Variants in MATR3 observed in about 807,000 individuals in gnomAD.
MATR3 encodes the protein matrin-3.
Under a neutral mutation model 85.5 loss-of-function variants are expected in MATR3, and 4 were observed. The ratio of observed to expected loss-of-function variants is 0.05; its 90% confidence interval spans 0.02 to 0.11. The LOEUF (loss-of-function observed/expected upper bound fraction) is 0.11, where lower values mean the gene tolerates loss of function less well. Among genes scored for constraint, MATR3 ranks in the 10% least tolerant of loss-of-function variants. The pLI, the probability that MATR3 is intolerant of heterozygous loss-of-function variation, is 1.00. For synonymous variants in MATR3, 336 were observed against 343.1 expected (o/e 0.98, Z 0.23); for missense variants, 685 against 1,016.1 (o/e 0.67, Z 4.43).
At chr5:139,285,530 T>C (rs976461422) in intron 3 of MATR3, among the ~76,000 whole-genome samples, 1 of 152,166 alleles carries the variant, frequency 6.6e-6, no homozygotes, top group African/African-American at 2.4e-5. Context: ...AGAATCTCGC[T>C]CTACTGGTGG....
chr5:139,312,190 G>A (rs1220682533), intron 2 of MATR3: 1 of 152,114 alleles, frequency 6.6e-6, no homozygotes, highest in Non-Finnish European at 1.5e-5. Context: ...ACGCTGAAGT[G>A]CGCTTAGGTG....
rs1423331156 is a variant in MATR3 at position 139,316,198 on chromosome 5, T to G, written c.1129+10T>G. On this transcript the variant is annotated intron_variant, in intron 5 of 14. Transcript: ENST00000394805. ...CCAAGAGGAAATCTGGGTAATTATA[T>G]AAAATTCATGTTACTTTTCCCTACA... is the stretch of plus-strand genomic sequence containing the variant. The G allele has an allele frequency of 6.5e-7, 1 of 1,542,756 alleles. No homozygotes were observed. Among genetic ancestry groups the G allele is most frequent in the Non-Finnish European group, 8.9e-7 (1 of 1,118,072 alleles).
intron 14 of MATR3, among the ~76,000 whole-genome samples, chr5:139,327,950 G>A (rs1257755244): frequency 6.6e-6 from 1 of 151,386 alleles, no homozygotes; most frequent in Non-Finnish European, 1.5e-5. Flanking sequence ...CAACCTCTGC[G>A]TCCCGGGTTC....
At chr5:139,317,216 T>A in intron 6 of MATR3, 111 bp downstream of exon 6, 1 of 1,074,582 alleles carries the variant, frequency 9.3e-7, no homozygotes, top group Non-Finnish European at 1.4e-6. Flanking sequence ...AACATTGCTG[T>A]AATTTGAAAA....
At chr5:139,295,204 C>G (rs1229377991) in intron 1 of MATR3, among the ~76,000 whole-genome samples, 1 of 152,194 alleles carries the variant, frequency 6.6e-6, no homozygotes, top group East Asian at 1.9e-4. Flanking sequence ...CAGTCATCTA[C>G]GCAGTCTATC....
At chr5:139,290,450 T>TTTTTTTTTTTG, upstream of MATR3, among the ~76,000 whole-genome samples, 1 of 115,338 alleles carries the variant, frequency 8.7e-6, no homozygotes, top group Admixed American at 9.0e-5. Context: ...TTTTTTTTTT[T>TTTTTTTTTTTG]TTTTTTTTTT....
chr5:139,281,297 C>T (rs1467513029), intron 3 of MATR3, among the ~76,000 whole-genome samples: 2 of 151,870 alleles, frequency 1.3e-5, no homozygotes, highest in African/African-American at 4.8e-5. Context: ...GACTCAGCCT[C>T]CTGAGTAGCT....
chr5:139,307,808 C>A lies in MATR3; in HGVS notation c.393C>A (p.Asp131Glu), dbSNP rs761842979. Residue 131 changes from aspartate to glutamate, a missense_variant, in exon 2 of 15, where the codon GAC becomes GAA. Physicochemically the swap from Asp to Glu is conservative, Grantham distance 45. Transcript: ENST00000394805. This position sits in a 1 kb window ranked among gnomAD's most constrained non-coding sequence, Gnocchi z 4.4. ...ATGAACTGAGTCGTTATCCAGAGGA[C>A]AAGATTACTCCTGAGAATTTGCCCC... is the stretch of plus-strand genomic sequence containing the variant. ...DLDELSRYPE[D>E]KITPENLPQI... 13 of 1,613,992 alleles carry A rather than the reference C, an allele frequency of 8.1e-6. No individual in the cohort carries two copies. The highest frequency in any genetic ancestry group is 1.3e-5 in the African/African-American group (1 of 74,894).
chr5:139,327,490 T>G (rs968828246), intron 14 of MATR3, among the ~76,000 whole-genome samples: 2 of 152,158 alleles, frequency 1.3e-5, no homozygotes, highest in Non-Finnish European at 2.9e-5. Context: ...GGCGCGATTT[T>G]GGCTCACCCC....
At chr5:139,279,899 T>C (rs1374068057) in intron 3 of MATR3, 1 of 152,226 alleles carries the variant, frequency 6.6e-6, no homozygotes, top group East Asian at 1.9e-4. Flanking sequence ...TGTGGCTGTG[T>C]AAGTTGATAA....
At chr5:139,321,700 T>C in intron 9 of MATR3, 198 bp from the exon 10 acceptor site, 1 of 589,440 alleles carries the variant, frequency 1.7e-6, no homozygotes, top group Non-Finnish European at 3.0e-6. Flanking sequence ...GGAGGATCAG[T>C]TGGGCCCAGT....
chr5:139,288,672 ACT>A (rs1256674809), intron 3 of MATR3, among the ~76,000 whole-genome samples: 2 of 151,618 alleles, frequency 1.3e-5, no homozygotes, highest in East Asian at 1.9e-4. Context: ...ACGGAGTCTC[ACT>A]CTGTCGCCCA....
At position 139,322,605 on chromosome 5, in the gene MATR3, T is replaced by A. The variant is rs1356869612; in HGVS notation, c.1786T>A (p.Ser596Thr). The change falls in exon 12 of 15, where the codon TCT becomes ACT. Residue 596 changes from serine to threonine, a missense_variant. Physicochemically the swap from Ser to Thr is moderately conservative, Grantham distance 58 (BLOSUM62 1). Coordinates refer to ENST00000394805, the MANE Select transcript of MATR3 (RefSeq NM_018834.6). ...LLKKDKSRKR[S>T]YSPDGKESPS... ...GTGTCCTTTTGATTTCAGAAAAAGA[T>A]CTTACTCTCCAGATGGCAAAGAATC... 12 of 1,614,046 alleles carry A rather than the reference T, an allele frequency of 7.4e-6. No individual in the cohort carries two copies. Among genetic ancestry groups the A allele is most frequent in the Non-Finnish European group, 1.0e-5 (12 of 1,179,972 alleles).
intron 1 of MATR3, among the ~76,000 whole-genome samples, chr5:139,296,311 A>G (rs978401083): frequency 6.6e-5 from 10 of 152,220 alleles, no homozygotes; most frequent in African/African-American, 2.4e-4. Flanking sequence ...TGGTAACGGT[A>G]TACAGTTTTA....
At chr5:139,320,320 T>G (rs977914219) in intron 9 of MATR3, among the ~76,000 whole-genome samples, 8 of 151,688 alleles carry the variant, frequency 5.3e-5, no homozygotes, top group Non-Finnish European at 7.4e-5. Context: ...AAAAAAAAAT[T>G]TAGAGTTAGG....
In MATR3 at chr5:139,306,084, AC is replaced by A. The variant is rs560942079; in HGVS notation, c.-177-1154del. On this transcript the variant is annotated intron_variant, in intron 1 of 14. Transcript: ENST00000394805. ...GCCTCATAGAATTCTGTACCAAACA[AC>A]TTCAGATTTACCTCTGTATGTAGTT... 2.0e-3 allele frequency among the ~76,000 whole-genome samples: 298 copies of A among 152,252 alleles called. 1 individual carries two copies. Among genetic ancestry groups the A allele is most frequent in the African/African-American group, 6.9e-3 (288 of 41,554 alleles).
intron 1 of MATR3, chr5:139,294,091 G>T: frequency 8.0e-7 from 1 of 1,255,108 alleles, no homozygotes; most frequent in South Asian, 2.7e-5. Context: ...GGGAGATTTT[G>T]GGTGAAGAGG....
chr5:139,314,373 T>G (rs1053571234), intron 2 of MATR3: 11 of 359,532 alleles, frequency 3.1e-5, no homozygotes, highest in African/African-American at 2.3e-4. Flanking sequence ...CTTGCTGATC[T>G]CAAGGTTAGT....
chr5:139,323,945 A>G (rs557741309), intron 12 of MATR3, among the ~76,000 whole-genome samples: 30 of 152,056 alleles, frequency 2.0e-4, no homozygotes, highest in African/African-American at 7.0e-4. Context: ...TCCATATTCC[A>G]TTGGTTCCTT....
Sources: allele counts gnomAD v4.1 joint callset (sites outside exome capture counted in the v4.1 genomes callset), GRCh38; gene constraint gnomAD v4.1.1; non-coding constraint Gnocchi (gnomAD v3.1); transcripts MANE v1.5; gene names NCBI Gene and HGNC (gene_info 2026-07-23, HGNC 2026-07-21).